TENM2: variants seen among roughly 807,000 people sequenced by gnomAD.
TENM2 encodes the protein teneurin-2.
Under a neutral mutation model 245.2 loss-of-function variants are expected in TENM2, and 52 were observed. The observed-to-expected ratio is 0.21, with a 90% confidence interval of 0.17 to 0.27. The LOEUF (loss-of-function observed/expected upper bound fraction) is 0.27, where lower values mean the gene tolerates loss of function less well. Among genes scored for constraint, TENM2 ranks in the 10% least tolerant of loss-of-function variants. The probability of loss-of-function intolerance (pLI) is 1.00; values close to 1 mark genes in which losing one functional copy is unlikely to be tolerated. For missense variants in TENM2, 3,046 were observed against 3,666.8 expected (o/e 0.83, Z 4.37); for synonymous variants, 1,363 against 1,438.9 (o/e 0.95, Z 1.19).
exon 29 of TENM2, chr5:168,262,635 A>G (rs1295993896): frequency 6.9e-6 from 11 of 1,598,482 alleles, no homozygotes; most frequent in Non-Finnish European, 9.4e-6. Context: ...AAAGCCAGGG[A>G]CGGGAGAGAG....
chr5:166,986,358 T>C, the TENM2 span, among the ~76,000 whole-genome samples: 2 of 152,216 alleles, frequency 1.3e-5, no homozygotes, highest in Non-Finnish European at 2.9e-5. Flanking sequence ...GCTCTCAGTT[T>C]AATGGGATCA....
At chr5:167,135,604 G>A in the TENM2 span, among the ~76,000 whole-genome samples, 17 of 152,122 alleles carry the variant, frequency 1.1e-4, no homozygotes, top group South Asian at 2.9e-3. Flanking sequence ...GTGAAACACC[G>A]TCTCTACTAA....
chr5:167,299,629 C>G (rs1755187247), intron 1 of TENM2, among the ~76,000 whole-genome samples: 1 of 152,108 alleles, frequency 6.6e-6, no homozygotes, highest in Non-Finnish European at 1.5e-5. Flanking sequence ...TATAGCATAG[C>G]CTGCCTTTGC....
At chr5:167,108,807 T>C in the TENM2 span, among the ~76,000 whole-genome samples, 1 of 152,242 alleles carries the variant, frequency 6.6e-6, no homozygotes, top group African/African-American at 2.4e-5. Context: ...ATAATGGGAT[T>C]CTGCCTAATA....
chr5:167,833,541 C>T (rs545491871), intron 2 of TENM2, among the ~76,000 whole-genome samples: 11 of 152,328 alleles, frequency 7.2e-5, no homozygotes, highest in African/African-American at 2.2e-4. Context: ...TCCTCCAAAG[C>T]TTATCTCCTC....
chr5:167,768,135 C>G (rs1763162930), intron 2 of TENM2, among the ~76,000 whole-genome samples: 1 of 152,178 alleles, frequency 6.6e-6, no homozygotes, highest in Non-Finnish European at 1.5e-5. Context: ...GCTGTGTTGA[C>G]ATTCATTGTA....
intron 12 of TENM2, among the ~76,000 whole-genome samples, chr5:168,139,138 C>A (rs1755318776): frequency 6.6e-6 from 1 of 152,276 alleles, no homozygotes; most frequent in Non-Finnish European, 1.5e-5. Flanking sequence ...ATTTGCAACA[C>A]AATGTAATTG....
intron 2 of TENM2, among the ~76,000 whole-genome samples, chr5:167,408,996 G>A (rs1406535666): frequency 2.0e-5 from 3 of 151,144 alleles, no homozygotes; most frequent in Non-Finnish European, 4.4e-5. Context: ...ATGCAAATAT[G>A]TGTGCAATCA....
At chr5:167,834,569 A>C (rs1021842792) in intron 2 of TENM2, among the ~76,000 whole-genome samples, 1 of 152,230 alleles carries the variant, frequency 6.6e-6, no homozygotes, top group African/African-American at 2.4e-5. Flanking sequence ...CCATGAAAGA[A>C]AGAAAGACAA....
At chr5:167,754,886 AC>A in intron 2 of TENM2, 1 of 860,488 alleles carries the variant, frequency 1.2e-6, no homozygotes. Context: ...GAGGCTGTCT[AC>A]AGGGAAGGGA....
chr5:167,901,230 G>T (rs943189335), intron 3 of TENM2, among the ~76,000 whole-genome samples: 1 of 151,216 alleles, frequency 6.6e-6, no homozygotes, highest in African/African-American at 2.4e-5. Flanking sequence ...ATCTTAATAG[G>T]TCCTGACTGA....
chr5:167,910,523 A>C (rs980961080), intron 3 of TENM2, among the ~76,000 whole-genome samples: 1 of 152,186 alleles, frequency 6.6e-6, no homozygotes, highest in Non-Finnish European at 1.5e-5. Flanking sequence ...AAAACAAACA[A>C]AAAGAAACCT....
chr5:168,260,245 A>G (rs776624074), intron 27 of TENM2, 38 bp from the exon 30 acceptor site: 44 of 1,611,896 alleles, frequency 2.7e-5, no homozygotes, highest in Non-Finnish European at 3.5e-5. Context: ...TCCATCCATC[A>G]TGATTTCAGA....
At chr5:167,175,452 C>CT in the TENM2 span, among the ~76,000 whole-genome samples, 1 of 152,224 alleles carries the variant, frequency 6.6e-6, no homozygotes, top group Non-Finnish European at 1.5e-5. Flanking sequence ...ATATGGATTA[C>CT]TTTTTTGTGT....
chr5:167,975,601 A>T (rs1782379772), intron 4 of TENM2, among the ~76,000 whole-genome samples: 1 of 152,182 alleles, frequency 6.6e-6, no homozygotes, highest in Non-Finnish European at 1.5e-5. Flanking sequence ...CAGACATGTC[A>T]CAGGGGTTGC....
At chr5:168,069,989 G>A (rs1029568216) in intron 7 of TENM2, among the ~76,000 whole-genome samples, 41 of 152,134 alleles carry the variant, frequency 2.7e-4, no homozygotes, top group African/African-American at 9.4e-4. Flanking sequence ...TATAAAAAAC[G>A]TAAAGAGAGA....
Position 167,325,710 on chromosome 5 carries a change from T to C in TENM2, c.226+40647T>C, listed in dbSNP as rs1757037305. Among the ~76,000 whole-genome samples the C allele has an allele frequency of 2.0e-5, 3 of 152,202 alleles. 1 individual carries two copies. The highest frequency in any genetic ancestry group is 2.0e-4 in the Admixed American group (3 of 15,282). On this transcript the variant is annotated intron_variant, in intron 1 of 28. Coordinates refer to ENST00000518659, the Ensembl canonical transcript of TENM2. ...AATAAATATCAGTGGTATATTTTAA[T>C]TATGTACATATTAATGCATTCATTT...
intron 2 of TENM2, among the ~76,000 whole-genome samples, chr5:167,665,142 C>A (rs1251265284): frequency 6.6e-6 from 1 of 152,184 alleles, no homozygotes; most frequent in Non-Finnish European, 1.5e-5. Flanking sequence ...TGGGCAGAAT[C>A]TTTTACTCTT....
intron 1 of TENM2, among the ~76,000 whole-genome samples, chr5:167,368,616 T>C (rs1760206256): frequency 6.6e-6 from 1 of 152,206 alleles, no homozygotes; most frequent in Admixed American, 6.5e-5. Context: ...TCTGTTATAG[T>C]AAGCCTCTTC....
Sources: allele counts gnomAD v4.1 joint callset (sites outside exome capture counted in the v4.1 genomes callset), GRCh38; gene constraint gnomAD v4.1.1; transcripts MANE v1.5; gene names NCBI Gene and HGNC (gene_info 2026-07-23, HGNC 2026-07-21).